SRGAP2B: variants seen among roughly 807,000 people sequenced by gnomAD.
SRGAP2B encodes SLIT-ROBO Rho GTPase activating protein 2B.
SRGAP2B carries 9 observed loss-of-function variants against 22.2 expected under a neutral mutation model. The observed-to-expected ratio is 0.41, with a 90% CI of 0.24 to 0.71. SRGAP2B has a LOEUF of 0.71. Among genes scored for constraint, SRGAP2B ranks in the 30% least tolerant of loss-of-function variants. SRGAP2B has a pLI of 0.35. For synonymous variants in SRGAP2B, 36 were observed against 87.4 expected, an observed-to-expected ratio of 0.41 and a Z score of 3.28; for missense variants, 114 against 235.8, an observed-to-expected ratio of 0.48 and a Z score of 3.38.
In SRGAP2B at chr1:144,902,690, AG is replaced by A. The variant is rs1662722212; in HGVS notation, c.831+2400del. Among the ~76,000 whole-genome samples, 3 of 144,604 alleles carry A rather than the reference AG, an allele frequency of 2.1e-5. No individual in the cohort carries two copies. In the South Asian group the frequency reaches 6.8e-4, roughly 33 times the overall value. 94.9% of individuals were successfully genotyped at this position (144,604 alleles called of 152,430 possible). On this transcript the variant is annotated intron_variant, in intron 7 of 9. Transcript: ENST00000612199. ...GGCAGGAGAATGGCGTGAACCTGGGAGGCGGAGCTTGCAGTGAGCCGAGATC... is the reference window on the plus strand; with the variant it reads ...GGCAGGAGAATGGCGTGAACCTGGGAGCGGAGCTTGCAGTGAGCCGAGATC...
intron 4 of SRGAP2B, among the ~76,000 whole-genome samples, chr1:144,915,379 G>A (rs1315750122): frequency 6.6e-6 from 1 of 150,604 alleles, no homozygotes; most frequent in Non-Finnish European, 1.5e-5. Context: ...TGGCTCCTGG[G>A]TTCTTTGCTG....
chr1:144,950,565 A>C (rs1458011417), intron 4 of SRGAP2B, among the ~76,000 whole-genome samples: 4 of 133,142 alleles, frequency 3.0e-5, no homozygotes, highest in Non-Finnish European at 6.3e-5. Flanking sequence ...TTCATTCCCA[A>C]CTTCCAGCTG....
intron 5 of SRGAP2B, among the ~76,000 whole-genome samples, chr1:144,908,787 T>G (rs1373915533): frequency 4.6e-4 from 62 of 136,156 alleles, no homozygotes; most frequent in South Asian, 7.0e-4. Context: ...TAGATATATA[T>G]ATCTATGTAC....
At chr1:145,065,307 G>T (rs1428933431) in intron 2 of SRGAP2B, among the ~76,000 whole-genome samples, 1 of 150,720 alleles carries the variant, frequency 6.6e-6, no homozygotes, top group Non-Finnish European at 1.5e-5. Flanking sequence ...ACTGCAACTA[G>T]GCAGCAGAGA....
chr1:144,969,831 T>C (rs367800040), intron 3 of SRGAP2B, among the ~76,000 whole-genome samples: 8 of 150,324 alleles, frequency 5.3e-5, no homozygotes, highest in Non-Finnish European at 8.8e-5. Flanking sequence ...AAAAAGTGGG[T>C]GAAGGACATG....
In SRGAP2B at chr1:144,920,306, C is replaced by T. The variant is rs587719913; in HGVS notation, c.424-5552G>A. Among the ~76,000 whole-genome samples, 9 of 150,516 alleles carry T rather than the reference C, an allele frequency of 6.0e-5. 1 individual carries two copies. Among genetic ancestry groups the T allele is most frequent in the African/African-American group, 1.7e-4 (7 of 40,144 alleles). ...TTAGATACAAGGTCTTGCTCTATTGCCCAGGCTAGAATGCAGTGGCCTGAT... is the reference window on the plus strand; with the variant it reads ...TTAGATACAAGGTCTTGCTCTATTGTCCAGGCTAGAATGCAGTGGCCTGAT... On this transcript the variant is annotated intron_variant, in intron 4 of 9. Coordinates refer to ENST00000612199, the Ensembl canonical transcript of SRGAP2B.
intron 1 of SRGAP2B, among the ~76,000 whole-genome samples, chr1:145,094,075 G>A (rs1654232964): frequency 8.0e-6 from 1 of 125,294 alleles, no homozygotes; most frequent in South Asian, 2.6e-4. Flanking sequence ...GGAAAACCGG[G>A]GGGCGGCGAG....
At chr1:145,003,401 G>C (rs1570983245) in intron 2 of SRGAP2B, among the ~76,000 whole-genome samples, 2 of 147,784 alleles carry the variant, frequency 1.4e-5, no homozygotes, top group South Asian at 2.2e-4. Flanking sequence ...GTAGTATTCT[G>C]AGGAAGAGTA....
chr1:144,940,793 C>T (rs1173150415), intron 4 of SRGAP2B, among the ~76,000 whole-genome samples: 1 of 135,162 alleles, frequency 7.4e-6, no homozygotes, highest in Non-Finnish European at 1.6e-5. Flanking sequence ...AAAGAAACTC[C>T]ATCTCCAAAA....
chr1:144,966,112 C>A (rs1351650098), intron 3 of SRGAP2B, among the ~76,000 whole-genome samples: 5 of 147,762 alleles, frequency 3.4e-5, no homozygotes, highest in African/African-American at 1.3e-4. Flanking sequence ...CAAGGCAGGC[C>A]AACGTTCAGA....
At chr1:145,063,083 T>A (rs1282359480) in intron 2 of SRGAP2B, among the ~76,000 whole-genome samples, 1 of 147,988 alleles carries the variant, frequency 6.8e-6, no homozygotes, top group Non-Finnish European at 1.5e-5. Flanking sequence ...TACCCAAATG[T>A]GTGATTTCAA....
chr1:145,084,849 CT>C (rs1284882333), intron 2 of SRGAP2B, among the ~76,000 whole-genome samples: 11 of 126,752 alleles, frequency 8.7e-5, no homozygotes, highest in Middle Eastern at 5.4e-3. Context: ...GTGGGAGCCC[CT>C]AGCCCCTCTC....
At position 144,992,141 on chromosome 1, in the gene SRGAP2B, C is replaced by T. The variant is rs1390417862; in HGVS notation, c.260+2867G>A. On this transcript the variant is annotated intron_variant, in intron 3 of 9. Coordinates refer to ENST00000612199, the Ensembl canonical transcript of SRGAP2B. ...CTGCCTTAAGAGCTGTAACACTCAC[C>T]GTGAAGGTCTGCAGCTTCACTCCTG... Among the ~76,000 whole-genome samples, 5 of 150,156 alleles carry T rather than the reference C, an allele frequency of 3.3e-5. 1 individual carries two copies. The highest frequency in any genetic ancestry group is 2.0e-4 in the Admixed American group (3 of 15,122).
chr1:144,986,403 T>C (rs587722474), intron 3 of SRGAP2B, among the ~76,000 whole-genome samples: 1 of 146,978 alleles, frequency 6.8e-6, no homozygotes, highest in African/African-American at 2.6e-5. Context: ...GGGCAGAGAA[T>C]GAACTATTCT....
chr1:145,023,002 TA>T (rs1647318145), intron 2 of SRGAP2B, among the ~76,000 whole-genome samples: 1 of 149,572 alleles, frequency 6.7e-6, no homozygotes, highest in Admixed American at 6.6e-5. Flanking sequence ...CCGTCTCTAC[TA>T]AAAATACAAA....
At chr1:144,993,166 C>G (rs1193179523) in intron 3 of SRGAP2B, among the ~76,000 whole-genome samples, 2 of 151,048 alleles carry the variant, frequency 1.3e-5, no homozygotes, top group Non-Finnish European at 2.9e-5. Flanking sequence ...TATAGTGGAA[C>G]AGAAACAAGA....
In SRGAP2B at chr1:145,044,650, T is replaced by TAAAAAAAAAAA. The variant is rs1184404731; in HGVS notation, c.67+48174_67+48184dup. ...TATATTTTATATTTGAACCCCCTCC[T>TAAAAAAAAAAA]AAAAAAAAAAAAAAAAAAAAAAAAA... On this transcript the variant is annotated intron_variant, in intron 2 of 9. Coordinates refer to ENST00000612199, the Ensembl canonical transcript of SRGAP2B. Among the ~76,000 whole-genome samples the TAAAAAAAAAAA allele has an allele frequency of 2.6e-4, 8 of 30,682 alleles. 3 individuals carry two copies. The highest frequency in any genetic ancestry group is 3.4e-4 in the Non-Finnish European group (6 of 17,708). 20.1% of individuals were successfully genotyped at this position (30,682 alleles called of 152,430 possible).
chr1:145,019,179 CAAAAAAAAAAAA>C (rs1169095846), intron 2 of SRGAP2B, among the ~76,000 whole-genome samples: 2 of 40,670 alleles, frequency 4.9e-5, no homozygotes, highest in Non-Finnish European at 4.5e-5. Flanking sequence ...CTTGTCTCTA[CAAAAAAAAAAAA>C]AAAAAAAAAA....
chr1:144,964,599 T>C (rs1233124125), intron 3 of SRGAP2B, among the ~76,000 whole-genome samples: 1 of 151,006 alleles, frequency 6.6e-6, no homozygotes, highest in Non-Finnish European at 1.5e-5. Context: ...CCTTAAGGAA[T>C]CTGGATGAAC....
Sources: gnomAD v4.1 joint callset for allele counts (sites outside exome capture counted in the v4.1 genomes callset) on GRCh38, gnomAD v4.1.1 for gene constraint, MANE v1.5 for transcripts, NCBI Gene and HGNC (gene_info 2026-07-23, HGNC 2026-07-21) for gene names.